Variants in SAXO1 observed in about 807,000 individuals in gnomAD.
SAXO1 encodes the protein 4930500O09Rik.
SAXO1 carries 21 observed loss-of-function variants against 17.5 expected under a neutral mutation model. The observed-to-expected ratio is 1.20, with a 90% CI of 0.85 to 1.72. The LOEUF (loss-of-function observed/expected upper bound fraction) is 1.72. SAXO1 is among the 40% of genes most tolerant of loss of function. SAXO1 has a pLI of 0.00. For missense variants in SAXO1, 843 were observed against 596.0 expected, an observed-to-expected ratio of 1.41 and a Z score of -4.32; for synonymous variants, 274 against 216.5, an observed-to-expected ratio of 1.27 and a Z score of -2.33.
intron 1 of SAXO1, among the ~76,000 whole-genome samples, chr9:18,980,265 A>G (rs1433843811): frequency 6.6e-6 from 1 of 151,924 alleles, no homozygotes; most frequent in Non-Finnish European, 1.5e-5. Flanking sequence ...AAACTCCCAG[A>G]CTCCACAGTA....
At chr9:19,031,870 T>A (rs1257850783) in intron 1 of SAXO1, among the ~76,000 whole-genome samples, 1 of 152,230 alleles carries the variant, frequency 6.6e-6, no homozygotes, top group African/African-American at 2.4e-5. Context: ...AGAAGGTTGC[T>A]GATCCAGTTT....
intron 1 of SAXO1, among the ~76,000 whole-genome samples, chr9:18,990,521 T>C (rs1833772663): frequency 6.6e-6 from 1 of 152,104 alleles, no homozygotes. Context: ...CAGTGAGCCA[T>C]GTTTGCACCA....
intron 3 of SAXO1, among the ~76,000 whole-genome samples, chr9:18,935,803 T>C (rs1463059136): frequency 6.6e-6 from 1 of 152,158 alleles, no homozygotes; most frequent in Non-Finnish European, 1.5e-5. Context: ...CACTATTGTT[T>C]TTATTGAAAC....
At chr9:18,977,931 G>T (rs1297708140) in intron 1 of SAXO1, among the ~76,000 whole-genome samples, 3 of 147,758 alleles carry the variant, frequency 2.0e-5, no homozygotes, top group African/African-American at 5.0e-5. Context: ...GGGAGGCGGA[G>T]GTTGCAGTGG....
chr9:19,018,066 G>A (rs1230045564), intron 1 of SAXO1, among the ~76,000 whole-genome samples: 1 of 151,900 alleles, frequency 6.6e-6, no homozygotes. Context: ...TACCTGGGAG[G>A]CTGAGGTGGG....
chr9:19,035,347 C>T (rs59418778), upstream of SAXO1, among the ~76,000 whole-genome samples: 3,017 of 152,274 alleles, frequency 0.02, 95 homozygotes, highest in African/African-American at 0.068. Context: ...TCTTGCCACC[C>T]GCCATGTAGG....
At chr9:18,938,047 A>C (rs1293736489) in intron 3 of SAXO1, among the ~76,000 whole-genome samples, 1 of 152,200 alleles carries the variant, frequency 6.6e-6, no homozygotes, top group Non-Finnish European at 1.5e-5. Flanking sequence ...CCTCAAATGC[A>C]CATGTTCCAA....
intron 1 of SAXO1, among the ~76,000 whole-genome samples, chr9:18,991,720 A>C (rs949917226): frequency 6.6e-6 from 1 of 152,214 alleles, no homozygotes; most frequent in Non-Finnish European, 1.5e-5. Context: ...TACAATTTAA[A>C]AAAATTAAAA....
chr9:19,012,137 C>G (rs1190282558), intron 1 of SAXO1, among the ~76,000 whole-genome samples: 1 of 152,140 alleles, frequency 6.6e-6, no homozygotes. Context: ...AGCCACCACG[C>G]CCGGCAAGGA....
chr9:18,946,640 C>T (rs759336772), intron 2 of SAXO1, among the ~76,000 whole-genome samples: 11 of 142,674 alleles, frequency 7.7e-5, no homozygotes, highest in Non-Finnish European at 1.0e-4. Flanking sequence ...GACCCATGCT[C>T]AAAAAAGAAA....
At chr9:18,932,000 A>G (rs1436621547) in intron 3 of SAXO1, among the ~76,000 whole-genome samples, 2 of 152,196 alleles carry the variant, frequency 1.3e-5, no homozygotes, top group African/African-American at 4.8e-5. Flanking sequence ...CACCCACCTG[A>G]CACCTGACTC....
At chr9:18,984,794 G>A (rs1331562424) in intron 1 of SAXO1, among the ~76,000 whole-genome samples, 1 of 152,130 alleles carries the variant, frequency 6.6e-6, no homozygotes, top group Non-Finnish European at 1.5e-5. Context: ...CACTGGAGTA[G>A]CACTTTGAAT....
At chr9:19,003,183 C>G (rs1022246358) in intron 1 of SAXO1, among the ~76,000 whole-genome samples, 1 of 152,134 alleles carries the variant, frequency 6.6e-6, no homozygotes, top group Non-Finnish European at 1.5e-5. Flanking sequence ...ATCCAACTTA[C>G]AAGGGATGTA....
chr9:19,006,959 C>T (rs1361116708), intron 1 of SAXO1, among the ~76,000 whole-genome samples: 1 of 152,078 alleles, frequency 6.6e-6, no homozygotes, highest in Admixed American at 6.6e-5. Flanking sequence ...GCAGGACAAT[C>T]ACGTGAACCC....
intron 1 of SAXO1, among the ~76,000 whole-genome samples, chr9:19,010,015 G>A (rs1834658925): frequency 6.6e-6 from 1 of 151,894 alleles, no homozygotes; most frequent in Non-Finnish European, 1.5e-5. Context: ...TTTTTGTAGA[G>A]ACAGGGTTTC....
intron 1 of SAXO1, among the ~76,000 whole-genome samples, chr9:18,979,451 T>C (rs922775186): frequency 6.6e-6 from 1 of 152,084 alleles, no homozygotes; most frequent in Non-Finnish European, 1.5e-5. Flanking sequence ...CAATGGTGAA[T>C]GGGGGTATCT....
At chr9:19,029,550 C>G (rs1027900883) in intron 1 of SAXO1, among the ~76,000 whole-genome samples, 1 of 152,144 alleles carries the variant, frequency 6.6e-6, no homozygotes, top group Non-Finnish European at 1.5e-5. Flanking sequence ...TCCATCCCAA[C>G]CGGTCACTGA....
intron 1 of SAXO1, among the ~76,000 whole-genome samples, chr9:19,028,596 C>T (rs958195896): frequency 2.0e-5 from 3 of 152,186 alleles, no homozygotes; most frequent in Admixed American, 6.5e-5. Context: ...TTTCTGCAAA[C>T]CACAATACTC....
chr9:19,041,160 TG>T (rs1372299546), intron 1 of SAXO1, among the ~76,000 whole-genome samples: 1 of 71,932 alleles, frequency 1.4e-5, no homozygotes, highest in Non-Finnish European at 2.5e-5. Context: ...GTGAACAATC[TG>T]AAAAAAAAAA....
Sources: gnomAD v4.1 joint callset for allele counts (sites outside exome capture counted in the v4.1 genomes callset) on GRCh38, gnomAD v4.1.1 for gene constraint, MANE v1.5 for transcripts, NCBI Gene and HGNC (gene_info 2026-07-23, HGNC 2026-07-21) for gene names.